The following PTK6 variants were observed in gnomAD, a reference collection of about 807,000 sequenced individuals.
The protein encoded by PTK6 is protein tyrosine kinase 6.
A neutral mutation model predicts 47.5 loss-of-function variants in PTK6; 47 were observed. That is an observed-to-expected ratio of 0.99 (90% CI 0.78 to 1.26). The LOEUF is 1.26. Among genes scored for constraint, PTK6 ranks in the 50% most tolerant of loss-of-function variants. PTK6 has a pLI of 0.00. For missense variants in PTK6, 618 were observed against 625.3 expected (o/e 0.99, Z 0.12); for synonymous variants, 287 against 276.5 (o/e 1.04, Z -0.38).
At chr20:63,536,005 T>C (rs1313625576) in intron 1 of PTK6, among the ~76,000 whole-genome samples, 1 of 1,556 alleles carries the variant, frequency 6.4e-4, no homozygotes, top group African/African-American at 2.0e-3. Flanking sequence ...CGCCCCCTCC[T>C]CACCTGGCCT....
rs2082639394 is a variant in PTK6 at position 63,533,247 on chromosome 20, T to C, written c.670+304A>G. Among the ~76,000 whole-genome samples, 1 of 152,078 alleles carries C rather than the reference T, an allele frequency of 6.6e-6. No homozygotes were observed. Among genetic ancestry groups the C allele is most frequent in the Non-Finnish European group, 1.5e-5 (1 of 67,986 alleles). On this transcript the variant is annotated intron_variant, in intron 4 of 7. Coordinates refer to ENST00000542869, the MANE Select transcript of PTK6 (RefSeq NM_005975.4). The surrounding 1 kb of genome is among the most constrained non-coding windows in gnomAD (Gnocchi z 4.0). The stretch of plus-strand genomic sequence containing the variant: ...CACACTCGGCTAATTTTTGTATTTT[T>C]AGTAGAGACGTGGTTTCCCCATGTT...
intron 1 of PTK6, among the ~76,000 whole-genome samples, chr20:63,536,765 T>C (rs555638967): frequency 6.6e-6 from 1 of 152,334 alleles, no homozygotes; most frequent in Non-Finnish European, 1.5e-5. Context: ...AAGTCCACCC[T>C]GGACCCTCTG....
chr20:63,534,002 C>T (rs2082644881), intron 3 of PTK6, 150 bp downstream of exon 3: 8 of 1,215,628 alleles, frequency 6.6e-6, no homozygotes, highest in Admixed American at 2.8e-5. Context: ...CACCTGTGCT[C>T]TGCAGAACCA....
chr20:63,534,369 G>A (rs1435233944), intron 2 of PTK6, 54 bp from the exon 3 acceptor site: 11 of 1,515,896 alleles, frequency 7.3e-6, no homozygotes, highest in Middle Eastern at 1.8e-4. Flanking sequence ...GCCTCCCTGC[G>A]TCCCCAGCCC....
chr20:63,533,479 C>T lies in PTK6; in HGVS notation c.670+72G>A, dbSNP rs2082641147. 3 of 1,492,796 alleles carry T rather than the reference C, an allele frequency of 2.0e-6. No individual in the cohort carries two copies. The African/African-American group carries it at 4.2e-5, about 21-fold the overall frequency. The allele number at this position is 1,492,796 out of a possible 1,614,324, so 92.5% of individuals were successfully genotyped here. A position where few individuals can be genotyped will look rare whatever the true frequency, so the allele number is the denominator to read the frequency against. Reference sequence around the variant, plus strand: ...GCTTGGGGCTCGAGGCCAGAGGTCCCTGTTGGCGGGGTGGGAGGGTGGCCC... The same window carrying T: ...GCTTGGGGCTCGAGGCCAGAGGTCCTTGTTGGCGGGGTGGGAGGGTGGCCC... On this transcript the variant is annotated intron_variant, in intron 4 of 7. Transcript: ENST00000542869. This position sits in a 1 kb window ranked among gnomAD's most constrained non-coding sequence, Gnocchi z 4.0.
intron 2 of PTK6, 41 bp downstream of exon 2, chr20:63,534,897 G>A: frequency 6.4e-7 from 1 of 1,562,272 alleles, no homozygotes; most frequent in Non-Finnish European, 8.7e-7. Flanking sequence ...AGAGCCAGGA[G>A]CCCCCGCAGG....
Position 63,533,818 on chromosome 20 carries a change from G to T in PTK6, c.517-114C>A. 1.4e-6 allele frequency: 2 copies of T among 1,414,886 alleles called. No homozygotes were observed. The highest frequency in any genetic ancestry group is 2.8e-5 in the South Asian group (2 of 72,264). 87.6% of individuals were successfully genotyped at this position (1,414,886 alleles called of 1,614,324 possible). A position where few individuals can be genotyped will look rare whatever the true frequency, so the allele number is the denominator to read the frequency against. On this transcript the variant is annotated intron_variant, in intron 3 of 7. Coordinates refer to ENST00000542869, the MANE Select transcript of PTK6 (RefSeq NM_005975.4). The surrounding 1 kb of genome is among the most constrained non-coding windows in gnomAD (Gnocchi z 4.0). ...CAGATTTAGGGCCACGATCAGCCTG[G>T]GTTGGGGGTTTCTGAGTGTCTGACA... is the stretch of plus-strand genomic sequence containing the variant.
chr20:63,536,283 G>T (rs1476909262), intron 1 of PTK6, among the ~76,000 whole-genome samples: 1 of 138,782 alleles, frequency 7.2e-6, no homozygotes, highest in Non-Finnish European at 1.5e-5. Context: ...CCCCACCCCT[G>T]CACCCCTGCT....
chr20:63,533,682 T>A lies in PTK6; in HGVS notation c.539A>T (p.His180Leu), dbSNP rs752210834. ...CCTCGGCCTCTCCCAGTCATCCCAA[T>A]GGGGCAGGGGCTCAGGCTCGTGCTG... The part of the protein sequence containing the change: ...CRKHEPEPLP[H>L]WDDWERPREE... Residue 180 changes from histidine to leucine, a missense_variant, in exon 4 of 8, where the codon CAT becomes CTT. Physicochemically the swap from His to Leu is moderately conservative, Grantham distance 99. Transcript: ENST00000542869. The surrounding 1 kb of genome is among the most constrained non-coding windows in gnomAD (Gnocchi z 4.0). The A allele has an allele frequency of 6.2e-7, 1 of 1,613,200 alleles. No homozygotes were observed. The highest frequency in any genetic ancestry group is 8.5e-7 in the Non-Finnish European group (1 of 1,179,708).
rs768713669 is a variant in PTK6, at chr20:63,530,058, AGGGACAGTG to A, written c.1168+11_1168+19del. ...CCCACTCTGCCTCTCATGCCCAGTC[AGGGACAGTG>A]GGGACAGTACCTGGGTAGGGCACCT... On this transcript the variant is annotated intron_variant, in intron 7 of 7. Transcript: ENST00000542869. This position sits in a 1 kb window ranked among gnomAD's most constrained non-coding sequence, Gnocchi z 4.1. 6.2e-7 allele frequency: 1 copy of A among 1,612,768 alleles called. No individual in the cohort carries two copies. The highest frequency in any genetic ancestry group is 1.1e-5 in the South Asian group (1 of 91,078).
At chr20:63,534,739 G>A in intron 2 of PTK6, 199 bp downstream of exon 2, 1 of 841,022 alleles carries the variant, frequency 1.2e-6, no homozygotes, top group Non-Finnish European at 1.7e-6. Flanking sequence ...GAGGGGCCCT[G>A]CCCCACGACT....
Position 63,535,541 on chromosome 20 carries a change from G to A in PTK6, c.231-482C>T, listed in dbSNP as rs540403843. On this transcript the variant is annotated intron_variant, in intron 1 of 7. Transcript: ENST00000542869. ...CAGCCACTCGCGCGCACTAACTCCCGGCTGCGGGGTGTGGGCCAGCCCTGG... is the reference window on the plus strand; with the variant it reads ...CAGCCACTCGCGCGCACTAACTCCCAGCTGCGGGGTGTGGGCCAGCCCTGG... Among the ~76,000 whole-genome samples the A allele has an allele frequency of 3.3e-5, 5 of 152,140 alleles. No homozygotes were observed. The East Asian group carries it at 7.8e-4, about 24-fold the overall frequency.
chr20:63,530,190 C>T lies in PTK6; in HGVS notation c.1056G>A (p.Lys352=), dbSNP rs745729322. The T allele has an allele frequency of 1.2e-6, 2 of 1,614,074 alleles. No homozygotes were observed. The highest frequency in any genetic ancestry group is 2.2e-5 in the South Asian group (2 of 91,090). ...YLSHDHNIPY[K]WTAPEALSRG... ...GGGAGAGCGCTTCAGGGGCCGTCCA[C>T]TTGTAGGGGATATTGTGGTCATGGG... is the stretch of plus-strand genomic sequence containing the variant. Residue 352 remains lysine (K), a synonymous_variant, in exon 7 of 8, where the codon AAG becomes AAA. Transcript: ENST00000542869. The surrounding 1 kb of genome is among the most constrained non-coding windows in gnomAD (Gnocchi z 4.1).
intron 5 of PTK6, 134 bp from the exon 6 acceptor site, chr20:63,531,061 C>G (rs915999539): frequency 2.4e-6 from 2 of 832,218 alleles, no homozygotes; most frequent in African/African-American, 1.8e-5. Context: ...CAAAGGGCAG[C>G]TGGCCTGATT....
intron 2 of PTK6, among the ~76,000 whole-genome samples, chr20:63,534,713 C>T (rs1034610221): frequency 6.6e-5 from 10 of 152,098 alleles, no homozygotes; most frequent in Non-Finnish European, 1.3e-4. Context: ...GCTGGAGAAG[C>T]CCCTGCCCTC....
At chr20:63,536,954 C>T in intron 1 of PTK6, 131 bp downstream of exon 1, 1 of 995,764 alleles carries the variant, frequency 1.0e-6, no homozygotes, top group Non-Finnish European at 1.5e-6. Context: ...CCAGCCTGGA[C>T]TTTGGGGTGC....
intron 3 of PTK6, 97 bp downstream of exon 3, chr20:63,534,055 C>G: frequency 7.1e-7 from 1 of 1,409,286 alleles, no homozygotes; most frequent in Non-Finnish European, 9.4e-7. Context: ...AGTCAGGACC[C>G]CTCCCATGCT....
chr20:63,534,218 C>T lies in PTK6; in HGVS notation c.450G>A (p.Glu150=), dbSNP rs150072173. Residue 150 remains glutamate, a synonymous_variant, in exon 3 of 8, where the codon GAG becomes GAA. Transcript: ENST00000542869. ...TCTGGGCCCTGTGGTAGTTCACAAG[C>T]TCGGGCAGGCTGAGGAAGGACACCG... ...NEAVSFLSLP[E]LVNYHRAQSL... 202 of 1,594,662 alleles carry T rather than the reference C, an allele frequency of 1.3e-4. No individual in the cohort carries two copies. The highest frequency in any genetic ancestry group is 1.5e-4 in the Non-Finnish European group (181 of 1,171,806).
rs758911275 is a variant in PTK6, at chr20:63,532,611, C to T, written c.747G>A (p.Ala249=). 10 of 1,614,002 alleles carry T rather than the reference C, an allele frequency of 6.2e-6. No individual in the cohort carries two copies. Among genetic ancestry groups the T allele is most frequent in the Admixed American group, 3.3e-5 (2 of 60,006 alleles). ...CCCCCACGGACACCACGGCGTACAG[C>T]GCCAGGATGTGTTTGTGCCGCAGCT... ...MKKLRHKHIL[A]LYAVVSVGDP... The change falls in exon 5 of 8, where the codon GCG becomes GCA. Residue 249 remains alanine, a synonymous_variant. Transcript: ENST00000542869.
Sources: allele counts gnomAD v4.1 joint callset (sites outside exome capture counted in the v4.1 genomes callset), GRCh38; gene constraint gnomAD v4.1.1; non-coding constraint Gnocchi (gnomAD v3.1); transcripts MANE v1.5; gene names NCBI Gene and HGNC (gene_info 2026-07-23, HGNC 2026-07-21).